The following RAP1GAP2 variants were observed in gnomAD, a reference collection of about 807,000 sequenced individuals.
RAP1GAP2 encodes the protein rap1 GTPase-activating protein 2.
In RAP1GAP2, 27 loss-of-function variants were observed where a neutral mutation model predicts 95.0. That is an observed-to-expected ratio of 0.28 (90% CI 0.21 to 0.39). The LOEUF (loss-of-function observed/expected upper bound fraction) is 0.39. Ranked by LOEUF, RAP1GAP2 falls within the 10% of genes least tolerant of loss-of-function variation. RAP1GAP2 has a pLI of 1.00. For missense variants in RAP1GAP2, 771 were observed against 970.0 expected, an observed-to-expected ratio of 0.79 and a Z score of 2.72; for synonymous variants, 373 against 380.9, an observed-to-expected ratio of 0.98 and a Z score of 0.24.
chr17:2,889,863 G>GTATATATATATA (rs748546441), intron 2 of RAP1GAP2, among the ~76,000 whole-genome samples: 51 of 79,836 alleles, frequency 6.4e-4, no homozygotes, highest in Non-Finnish European at 8.2e-4. Flanking sequence ...TTATGTGTGT[G>GTATATATATATA]TATATATATA....
At chr17:2,849,413 T>C (rs2071730594) in intron 2 of RAP1GAP2, among the ~76,000 whole-genome samples, 1 of 152,120 alleles carries the variant, frequency 6.6e-6, no homozygotes. Flanking sequence ...GGCACGGGGA[T>C]TGGGGCTGAT....
intron 1 of RAP1GAP2, among the ~76,000 whole-genome samples, chr17:2,766,965 A>G (rs77242101): frequency 0.018 from 2,759 of 150,516 alleles, 88 homozygotes; most frequent in African/African-American, 0.063. Flanking sequence ...ACTGGGCAAC[A>G]TCAGGGCAGC....
chr17:2,889,188 C>T (rs955255430), intron 2 of RAP1GAP2, among the ~76,000 whole-genome samples: 6 of 152,148 alleles, frequency 3.9e-5, no homozygotes, highest in African/African-American at 9.7e-5. Context: ...TGCTCACTTA[C>T]GTTCCCACCA....
At chr17:2,908,475 G>A (rs2042271931) in intron 3 of RAP1GAP2, among the ~76,000 whole-genome samples, 1 of 152,154 alleles carries the variant, frequency 6.6e-6, no homozygotes, top group African/African-American at 2.4e-5. Context: ...GATGAGCTGA[G>A]GCTGCTGCAG....
chr17:2,805,615 C>T (rs1024206464), intron 2 of RAP1GAP2, among the ~76,000 whole-genome samples: 3 of 152,078 alleles, frequency 2.0e-5, no homozygotes, highest in African/African-American at 7.2e-5. Context: ...TCAGGTGATC[C>T]ACCCACCTCA....
At chr17:2,860,796 G>T (rs1247389509) in intron 2 of RAP1GAP2, among the ~76,000 whole-genome samples, 1 of 151,546 alleles carries the variant, frequency 6.6e-6, no homozygotes, top group Admixed American at 6.6e-5. Context: ...AGTAGAGATG[G>T]GGTTTCACCA....
At chr17:2,810,653 C>T (rs182366566) in intron 2 of RAP1GAP2, among the ~76,000 whole-genome samples, 2 of 150,596 alleles carry the variant, frequency 1.3e-5, no homozygotes, top group African/African-American at 4.9e-5. Context: ...GCCTTAGGCT[C>T]CTGAGTAGCT....
intron 22 of RAP1GAP2, among the ~76,000 whole-genome samples, chr17:3,030,366 G>T (rs911631006): frequency 1.3e-5 from 2 of 152,102 alleles, no homozygotes; most frequent in African/African-American, 4.8e-5. Flanking sequence ...GACACAGCAT[G>T]TTTTGAAGTT....
At chr17:2,757,614 T>C (rs917065343) in intron 1 of RAP1GAP2, among the ~76,000 whole-genome samples, 1 of 151,940 alleles carries the variant, frequency 6.6e-6, no homozygotes, top group Non-Finnish European at 1.5e-5. Flanking sequence ...TCTGTCTCCA[T>C]AGAGTGTTGA....
intron 10 of RAP1GAP2, among the ~76,000 whole-genome samples, chr17:2,983,384 T>C (rs1230192206): frequency 2.0e-5 from 3 of 152,154 alleles, no homozygotes; most frequent in Non-Finnish European, 4.4e-5. Context: ...CTAAACACGT[T>C]TCTCATTCAA....
intron 3 of RAP1GAP2, among the ~76,000 whole-genome samples, chr17:2,915,207 C>G (rs2042534997): frequency 6.6e-6 from 1 of 152,090 alleles, no homozygotes; most frequent in Admixed American, 6.6e-5. Context: ...CAAGCTTGAG[C>G]CACCATTTCT....
chr17:2,921,784 C>G (rs1304374026), intron 3 of RAP1GAP2, among the ~76,000 whole-genome samples: 2 of 152,188 alleles, frequency 1.3e-5, no homozygotes, highest in African/African-American at 4.8e-5. Flanking sequence ...ATGTTCCCGC[C>G]AGAGGCTCGA....
chr17:2,764,111 A>T (rs967100222), intron 1 of RAP1GAP2, among the ~76,000 whole-genome samples: 12 of 148,904 alleles, frequency 8.1e-5, no homozygotes, highest in Admixed American at 2.0e-4. Flanking sequence ...ATCTTAAATT[A>T]AAAAAAAAAG....
In RAP1GAP2 at chr17:2,827,842, G is replaced by T. The variant is rs72817383; in HGVS notation, c.80+27292G>T. On this transcript the variant is annotated intron_variant, in intron 2 of 24. Transcript: ENST00000254695. This position sits in a 1 kb window ranked among gnomAD's most constrained non-coding sequence, Gnocchi z 4.1. ...AAAAAAATCCCCTTGAAAAACAAGG[G>T]GGAGGGTTCATACACGATCGGTTGC... 0.13 allele frequency among the ~76,000 whole-genome samples: 19,329 copies of T among 151,872 alleles called. 1,373 individuals carry two copies. The highest frequency in any genetic ancestry group is 0.19 in the African/African-American group (7,747 of 41,372).
Position 2,974,774 on chromosome 17 carries a change from G to A in RAP1GAP2, c.597-5513G>A, listed in dbSNP as rs149718360. On this transcript the variant is annotated intron_variant, in intron 8 of 24. Transcript: ENST00000254695. ...TTTGATGAAAAAAATATAAATAGGT[G>A]TATTGGAAGATACAGAAATACAGTC... is the stretch of plus-strand genomic sequence containing the variant. Among the ~76,000 whole-genome samples, 405 of 151,960 alleles carry A rather than the reference G, an allele frequency of 2.7e-3. 1 individual carries two copies. The highest frequency in any genetic ancestry group is 9.1e-3 in the African/African-American group (377 of 41,460).
In RAP1GAP2 at chr17:2,984,973, C is replaced by T. The variant is rs762670407; in HGVS notation, c.730-10C>T. 1 of 1,599,262 alleles carries T rather than the reference C, an allele frequency of 6.3e-7. No homozygotes were observed. The highest frequency in any genetic ancestry group is 1.4e-5 in the African/African-American group (1 of 73,894). ...AATGTTGATTTTTTTTTTCTTGCCA[C>T]ATTTTCCAGGCCTCCCAAATGATTG... On this transcript the variant is annotated splice_polypyrimidine_tract_variant and intron_variant, in intron 10 of 24. Transcript: ENST00000254695.
intron 2 of RAP1GAP2, among the ~76,000 whole-genome samples, chr17:2,895,226 GAA>G (rs2073851572): frequency 6.6e-6 from 1 of 152,226 alleles, no homozygotes; most frequent in African/African-American, 2.4e-5. Flanking sequence ...CTGTTACAGT[GAA>G]GACCACCCCA....
intron 2 of RAP1GAP2, among the ~76,000 whole-genome samples, chr17:2,802,072 G>A (rs1218006969): frequency 1.3e-5 from 2 of 152,044 alleles, no homozygotes; most frequent in African/African-American, 2.4e-5. Context: ...ATATTCTCCC[G>A]GCACATGTGA....
At chr17:2,839,990 G>A (rs2071302151) in intron 2 of RAP1GAP2, among the ~76,000 whole-genome samples, 1 of 151,534 alleles carries the variant, frequency 6.6e-6, no homozygotes, top group Non-Finnish European at 1.5e-5. Flanking sequence ...TAGAAACGGG[G>A]TTTCACCATG....
Sources: gnomAD v4.1 joint callset for allele counts (sites outside exome capture counted in the v4.1 genomes callset) on GRCh38, gnomAD v4.1.1 for gene constraint, Gnocchi (gnomAD v3.1) non-coding constraint, MANE v1.5 for transcripts, NCBI Gene and HGNC (gene_info 2026-07-23, HGNC 2026-07-21) for gene names.